PRDM16: variants seen among roughly 807,000 people sequenced by gnomAD.
PRDM16 encodes PR/SET domain 16.
Under a neutral mutation model 110.6 loss-of-function variants are expected in PRDM16, and 23 were observed. The ratio of observed to expected loss-of-function variants is 0.21; its 90% CI spans 0.15 to 0.29. The LOEUF (loss-of-function observed/expected upper bound fraction) is 0.29, where lower values mean the gene tolerates loss of function less well. PRDM16 is among the 10% of genes least tolerant of loss of function. The pLI is 1.00. For missense variants in PRDM16, 1,615 were observed against 1,794.3 expected, an observed-to-expected ratio of 0.90 and a Z score of 1.81; for synonymous variants, 799 against 781.8, an observed-to-expected ratio of 1.02 and a Z score of -0.37.
At chr1:3,267,478 C>T (rs1057282046) in intron 3 of PRDM16, among the ~76,000 whole-genome samples, 2 of 152,144 alleles carry the variant, frequency 1.3e-5, no homozygotes, top group Non-Finnish European at 2.9e-5. Flanking sequence ...GCTCTGGGTA[C>T]GTGTGTACAA....
chr1:3,396,457 C>A, intron 4 of PRDM16, 34 bp from the exon 5 acceptor site: 1 of 1,230,152 alleles, frequency 8.1e-7, no homozygotes, highest in South Asian at 1.3e-5. Context: ...CAACAAACCA[C>A]ACTCACCCTT....
intron 3 of PRDM16, among the ~76,000 whole-genome samples, chr1:3,360,454 C>A (rs182689661): frequency 1.3e-5 from 2 of 152,340 alleles, no homozygotes; most frequent in East Asian, 3.9e-4. Flanking sequence ...ACCACCGACA[C>A]GTTGTCCTTA....
Position 3,083,605 on chromosome 1 carries a change from G to C in PRDM16, c.37+14309G>C, listed in dbSNP as rs563935754. The stretch of plus-strand genomic sequence containing the variant: ...CACAGCGCCTGCTGTCAGGGGAGGC[G>C]GGTGTCAGCTTCATGCTGGGTGGGG... On this transcript the variant is annotated intron_variant, in intron 1 of 16. Coordinates refer to ENST00000270722, the MANE Select transcript of PRDM16 (RefSeq NM_022114.4). Among the ~76,000 whole-genome samples, 262 of 145,618 alleles carry C rather than the reference G, an allele frequency of 1.8e-3. 1 individual carries two copies. The highest frequency in any genetic ancestry group is 6.0e-3 in the African/African-American group (241 of 40,078).
At chr1:3,379,099 C>T (rs1197771966) in intron 3 of PRDM16, among the ~76,000 whole-genome samples, 2 of 141,952 alleles carry the variant, frequency 1.4e-5, no homozygotes, top group African/African-American at 5.3e-5. Flanking sequence ...CGGTGCACCC[C>T]TCCCGGTGCA....
intron 3 of PRDM16, among the ~76,000 whole-genome samples, chr1:3,338,522 G>A (rs1217079545): frequency 2.0e-5 from 3 of 152,356 alleles, no homozygotes; most frequent in East Asian, 3.9e-4. Context: ...TGGGGACGGG[G>A]TGCCCGGGGA....
At chr1:3,282,374 G>A (rs893602554) in intron 3 of PRDM16, among the ~76,000 whole-genome samples, 5 of 152,138 alleles carry the variant, frequency 3.3e-5, no homozygotes, top group African/African-American at 4.8e-5. Flanking sequence ...ACAGGTCCTC[G>A]ACCCAGAGAC....
intron 3 of PRDM16, among the ~76,000 whole-genome samples, chr1:3,340,596 G>A (rs1006599106): frequency 1.1e-4 from 16 of 152,088 alleles, no homozygotes; most frequent in East Asian, 3.9e-4. Flanking sequence ...TCCCTTCTAC[G>A]CGTGTCTGTG....
intron 1 of PRDM16, among the ~76,000 whole-genome samples, chr1:3,127,483 A>C (rs1045748324): frequency 6.6e-6 from 1 of 152,158 alleles, no homozygotes; most frequent in Admixed American, 6.5e-5. Flanking sequence ...GAGAAAGCAA[A>C]CCAGTTACCA....
chr1:3,240,947 G>C (rs576068977), intron 2 of PRDM16, among the ~76,000 whole-genome samples: 2 of 152,360 alleles, frequency 1.3e-5, no homozygotes, highest in South Asian at 2.1e-4. Context: ...TACTTCTGCC[G>C]GGGTGCGGGG....
At chr1:3,424,770 G>A (rs971092638) in intron 12 of PRDM16, 4 of 152,020 alleles carry the variant, frequency 2.6e-5, no homozygotes, top group African/African-American at 4.8e-5. Flanking sequence ...CACCTCGAGG[G>A]GTGGAGGAGG....
chr1:3,089,854 G>A (rs1361681228), intron 1 of PRDM16, among the ~76,000 whole-genome samples: 2 of 152,190 alleles, frequency 1.3e-5, no homozygotes, highest in South Asian at 2.1e-4. Flanking sequence ...TCCTCCGGCC[G>A]ACCGACACCA....
intron 1 of PRDM16, among the ~76,000 whole-genome samples, chr1:3,077,789 C>T (rs1557429060): frequency 6.6e-6 from 1 of 152,160 alleles, no homozygotes; most frequent in Non-Finnish European, 1.5e-5. Context: ...AGCACTGTAT[C>T]GTTGCTGTAG....
At position 3,411,728 on chromosome 1, in the gene PRDM16, A is replaced by G; in HGVS notation, c.1531A>G (p.Thr511Ala). 6.2e-7 allele frequency: 1 copy of G among 1,609,894 alleles called. No homozygotes were observed. Among genetic ancestry groups the G allele is most frequent in the Non-Finnish European group, 8.5e-7 (1 of 1,178,164 alleles). Residue 511 changes from threonine (T) to alanine (A), a missense_variant, in exon 9 of 17, where the codon ACC becomes GCC. Around this residue, in one of 5 missense-constraint regions of PRDM16, gnomAD observed 772 missense variants for 748.3 expected, o/e 1.03. Coordinates refer to ENST00000270722, the MANE Select transcript of PRDM16 (RefSeq NM_022114.4). ...STAPPTFPALTPGFPGIFPPS... is the reference protein window; with the variant it reads ...STAPPTFPALAPGFPGIFPPS... ...GGCGCCTCCCACGTTCCCCGCACTC[A>G]CCCCCGGCTTCCCGGGCATCTTCCC... is the stretch of plus-strand genomic sequence containing the variant.
chr1:3,280,692 G>C (rs1415517267), intron 3 of PRDM16, among the ~76,000 whole-genome samples: 1 of 152,210 alleles, frequency 6.6e-6, no homozygotes, highest in African/African-American at 2.4e-5. Context: ...CATGAAGGCT[G>C]TTGCTTAGCT....
chr1:3,261,220 G>A (rs1185866393), intron 3 of PRDM16, among the ~76,000 whole-genome samples: 3 of 151,926 alleles, frequency 2.0e-5, no homozygotes, highest in Admixed American at 6.5e-5. Context: ...ACAGAGAAGC[G>A]GGCCTTGGGG....
intron 1 of PRDM16, among the ~76,000 whole-genome samples, chr1:3,104,975 G>A (rs1642619680): frequency 6.6e-6 from 1 of 152,176 alleles, no homozygotes; most frequent in Admixed American, 6.5e-5. Flanking sequence ...CATGGGAGGA[G>A]GCAGGATGGA....
intron 1 of PRDM16, among the ~76,000 whole-genome samples, chr1:3,142,334 C>T (rs935746708): frequency 2.2e-4 from 34 of 152,368 alleles, no homozygotes; most frequent in African/African-American, 7.0e-4. Flanking sequence ...CAGCTGAACA[C>T]GGGGAGCCCT....
At chr1:3,167,357 G>A (rs1008341695) in intron 1 of PRDM16, among the ~76,000 whole-genome samples, 3 of 152,154 alleles carry the variant, frequency 2.0e-5, no homozygotes, top group African/African-American at 2.4e-5. Context: ...CAGTTTTCTG[G>A]GAATTCAGGC....
intron 1 of PRDM16, among the ~76,000 whole-genome samples, chr1:3,134,516 C>T (rs1375575710): frequency 6.6e-6 from 1 of 152,220 alleles, no homozygotes; most frequent in Non-Finnish European, 1.5e-5. Flanking sequence ...AGAACTCGCA[C>T]CCTTGTGCAC....
Sources: allele counts gnomAD v4.1 joint callset (sites outside exome capture counted in the v4.1 genomes callset), GRCh38; gene constraint gnomAD v4.1.1; regional missense constraint gnomAD v4.1.1; transcripts MANE v1.5; gene names NCBI Gene and HGNC (gene_info 2026-07-23, HGNC 2026-07-21).